The following HECW1 variants were observed in gnomAD, a reference collection of about 807,000 sequenced individuals.
The protein encoded by HECW1 is HECT, C2 and WW domain containing E3 ubiquitin protein ligase 1.
Under a neutral mutation model 182.3 loss-of-function variants are expected in HECW1, and 61 were observed. The observed-to-expected ratio is 0.33, with a 90% CI of 0.27 to 0.41. The LOEUF (loss-of-function observed/expected upper bound fraction) is 0.41, where lower values mean the gene tolerates loss of function less well. Ranked by LOEUF, HECW1 falls within the 10% of genes least tolerant of loss-of-function variation. The pLI is 1.00. For synonymous variants in HECW1, 859 were observed against 832.6 expected (o/e 1.03, Z -0.55); for missense variants, 1,739 against 2,108.9 (o/e 0.82, Z 3.44).
At chr7:43,516,445 A>G (rs570591342) in intron 24 of HECW1, among the ~76,000 whole-genome samples, 45 of 152,380 alleles carry the variant, frequency 3.0e-4, no homozygotes, top group African/African-American at 8.9e-4. Context: ...GTAAAAATAA[A>G]TAAGTAAATT....
intron 2 of HECW1, among the ~76,000 whole-genome samples, chr7:43,144,193 C>CT (rs1445255643): frequency 6.6e-6 from 1 of 152,142 alleles, no homozygotes; most frequent in African/African-American, 2.4e-5. Context: ...TTCATTGGGA[C>CT]TTTTTTTCTC....
At chr7:43,249,960 T>G (rs912968604) in intron 3 of HECW1, among the ~76,000 whole-genome samples, 1 of 152,128 alleles carries the variant, frequency 6.6e-6, no homozygotes, top group East Asian at 1.9e-4. Flanking sequence ...TCAGCAGATA[T>G]GGGTCCCGGG....
At chr7:43,477,718 G>A (rs1021789003) in intron 16 of HECW1, among the ~76,000 whole-genome samples, 8 of 152,100 alleles carry the variant, frequency 5.3e-5, no homozygotes, top group Non-Finnish European at 1.5e-5. Flanking sequence ...TTCCTGGGGG[G>A]TGTATTTTTA....
At chr7:43,351,605 G>A (rs1431267253) in intron 5 of HECW1, among the ~76,000 whole-genome samples, 2 of 150,922 alleles carry the variant, frequency 1.3e-5, no homozygotes, top group African/African-American at 4.9e-5. Context: ...ACATATGCCT[G>A]TATCTGATGA....
At chr7:43,320,482 G>T (rs1422291717) in intron 4 of HECW1, among the ~76,000 whole-genome samples, 153 bp from the exon 5 acceptor site, 1 of 152,174 alleles carries the variant, frequency 6.6e-6, no homozygotes, top group Non-Finnish European at 1.5e-5. Context: ...GGCGTCTTGG[G>T]GTGCTTCCTG....
rs2082276675 is a variant in HECW1 at position 43,564,078 on chromosome 7, A to G, written c.*2152A>G. 5.3e-6 allele frequency: 1 copy of G among 187,828 alleles called. No homozygotes were observed. The highest frequency in any genetic ancestry group is 1.1e-5 in the Non-Finnish European group (1 of 88,994). 11.6% of individuals were successfully genotyped at this position (187,828 alleles called of 1,614,324 possible). A position where few individuals can be genotyped will look rare whatever the true frequency, so the allele number is the denominator to read the frequency against. On this transcript the variant is annotated 3_prime_UTR_variant, in exon 30 of 30. Transcript: ENST00000395891. ...TTGAGGGATATGTAAAATTCAGTAC[A>G]CGTTCAGCATCTGAAAAATAATGGA...
rs2082315180 is a variant in HECW1, at chr7:43,565,783, G to T, written c.*3857G>T. ...AGAGGTAGTATATAGAGTAAATATT[G>T]TTCCTTTAGCCTACTTCCTGCAGCT... is the stretch of plus-strand genomic sequence containing the variant. On this transcript the variant is annotated 3_prime_UTR_variant, in exon 30 of 30. Transcript: ENST00000395891. The T allele has an allele frequency of 5.4e-6, 1 of 184,998 alleles. No homozygotes were observed. Among genetic ancestry groups the T allele is most frequent in the Non-Finnish European group, 1.1e-5 (1 of 87,428 alleles). 11.5% of individuals were successfully genotyped at this position (184,998 alleles called of 1,614,324 possible). A position where few individuals can be genotyped will look rare whatever the true frequency, so the allele number is the denominator to read the frequency against.
At chr7:43,332,202 T>C (rs1166634492) in intron 5 of HECW1, among the ~76,000 whole-genome samples, 2 of 152,020 alleles carry the variant, frequency 1.3e-5, no homozygotes, top group East Asian at 3.9e-4. Flanking sequence ...TCTACAAAAA[T>C]AAATAAATAA....
At position 43,563,581 on chromosome 7, in the gene HECW1, C is replaced by G. The variant is rs2082263623; in HGVS notation, c.*1655C>G. ...TTATTTGTGTTCCTACACTCTAAAGCATTCCGGCCAGGAGCGGTGGCTCAT... is the reference window on the plus strand; with the variant it reads ...TTATTTGTGTTCCTACACTCTAAAGGATTCCGGCCAGGAGCGGTGGCTCAT... On this transcript the variant is annotated 3_prime_UTR_variant, in exon 30 of 30. Coordinates refer to ENST00000395891, the MANE Select transcript of HECW1 (RefSeq NM_015052.5). The G allele has an allele frequency of 5.3e-6, 1 of 189,034 alleles. No homozygotes were observed. The highest frequency in any genetic ancestry group is 1.9e-4 in the South Asian group (1 of 5,140). The allele number at this position is 189,034 out of a possible 1,614,324, so 11.7% of individuals were successfully genotyped here.
At chr7:43,443,810 T>C (rs2076961529) in intron 10 of HECW1, among the ~76,000 whole-genome samples, 1 of 152,148 alleles carries the variant, frequency 6.6e-6, no homozygotes, top group Non-Finnish European at 1.5e-5. Flanking sequence ...TAGGAAACAT[T>C]CTGAGCAAAT....
intron 6 of HECW1, among the ~76,000 whole-genome samples, chr7:43,380,021 G>T (rs1489013292): frequency 6.6e-6 from 1 of 152,120 alleles, no homozygotes; most frequent in African/African-American, 2.4e-5. Context: ...TTATTCCCTG[G>T]CTCAGCCACT....
At chr7:43,463,013 C>A (rs1268993218) in intron 13 of HECW1, among the ~76,000 whole-genome samples, 2 of 152,194 alleles carry the variant, frequency 1.3e-5, no homozygotes, top group Non-Finnish European at 2.9e-5. Context: ...TATTCTAATC[C>A]TCTCTTCCAT....
intron 2 of HECW1, among the ~76,000 whole-genome samples, chr7:43,189,183 CAGAA>C (rs1446857768): frequency 6.6e-6 from 1 of 151,996 alleles, no homozygotes. Flanking sequence ...AATATAAGGA[CAGAA>C]AGAAAGAACA....
At chr7:43,143,182 ACTG>A (rs1171038504) in intron 2 of HECW1, among the ~76,000 whole-genome samples, 1 of 152,098 alleles carries the variant, frequency 6.6e-6, no homozygotes, top group Non-Finnish European at 1.5e-5. Flanking sequence ...TGTTGGCCAG[ACTG>A]GTCGTGAACT....
At position 43,541,166 on chromosome 7, in the gene HECW1, C is replaced by T. The variant is rs777124649; in HGVS notation, c.4023C>T (p.Phe1341=). The T allele has an allele frequency of 1.9e-6, 3 of 1,613,094 alleles. No homozygotes were observed. In the Admixed American group the frequency reaches 5.0e-5, roughly 27 times the overall value. The change falls in exon 25 of 30, where the codon TTC becomes TTT. Residue 1341 remains phenylalanine (F), a synonymous_variant. Transcript: ENST00000395891. ...SAFVENHLEW[F]RFSGRILGLA... ...CTCTGCCTTGTCTGTGTTCCAGGTT[C>T]AGGTTTAGCGGTCGCATCCTGGGTC...
chr7:43,218,709 A>G (rs911249159), intron 2 of HECW1, among the ~76,000 whole-genome samples: 1 of 152,206 alleles, frequency 6.6e-6, no homozygotes, highest in African/African-American at 2.4e-5. Flanking sequence ...GGAAAAGAGC[A>G]TGTCATGGTT....
chr7:43,132,881 T>C (rs1159056674), intron 2 of HECW1, among the ~76,000 whole-genome samples: 1 of 152,170 alleles, frequency 6.6e-6, no homozygotes, highest in Non-Finnish European at 1.5e-5. Context: ...ATAAATAATG[T>C]GGTGAAAGAA....
At chr7:43,386,083 C>A (rs1343379125) in intron 6 of HECW1, among the ~76,000 whole-genome samples, 1 of 152,212 alleles carries the variant, frequency 6.6e-6, no homozygotes, top group East Asian at 1.9e-4. Flanking sequence ...GTCCTTCATG[C>A]CGCCCACATT....
chr7:43,537,432 C>T (rs888436590), intron 24 of HECW1, among the ~76,000 whole-genome samples: 4 of 152,206 alleles, frequency 2.6e-5, no homozygotes, highest in African/African-American at 9.6e-5. Flanking sequence ...CATACTTCCT[C>T]CTCGTTTGTG....
Sources: gnomAD v4.1 joint callset for allele counts (sites outside exome capture counted in the v4.1 genomes callset) on GRCh38, gnomAD v4.1.1 for gene constraint, MANE v1.5 for transcripts, NCBI Gene and HGNC (gene_info 2026-07-23, HGNC 2026-07-21) for gene names.